TMEM165: variants seen among roughly 807,000 people sequenced by gnomAD.
The protein encoded by TMEM165 is putative divalent cation/proton antiporter TMEM165.
A neutral mutation model predicts 30.0 loss-of-function variants in TMEM165; 19 were observed. That is an observed-to-expected ratio of 0.63 (90% CI 0.44 to 0.93). The LOEUF is 0.93. TMEM165 is among the 40% of genes least tolerant of loss of function. TMEM165 has a pLI of 0.00. For synonymous variants in TMEM165, 168 were observed against 162.9 expected, an observed-to-expected ratio of 1.03 and a Z score of -0.24; for missense variants, 340 against 417.0, an observed-to-expected ratio of 0.82 and a Z score of 1.61.
At chr4:55,442,780 A>G in intron 3 of TMEM165, 1 of 752,620 alleles carries the variant, frequency 1.3e-6, no homozygotes, top group Admixed American at 2.1e-5. Flanking sequence ...TATAACCACA[A>G]AGGAATGACT....
At chr4:55,403,695 A>G (rs1010817932) in intron 1 of TMEM165, among the ~76,000 whole-genome samples, 1 of 152,216 alleles carries the variant, frequency 6.6e-6, no homozygotes, top group South Asian at 2.1e-4. Context: ...ATTACTTACC[A>G]TGATATATAA....
chr4:55,424,693 A>G, intron 5 of TMEM165, 50 bp downstream of exon 5: 1 of 1,205,236 alleles, frequency 8.3e-7, no homozygotes, highest in Non-Finnish European at 1.2e-6. Flanking sequence ...TCACTGAGAG[A>G]TTAAAGGGTG....
At chr4:55,432,716 T>C (rs1048452974) in intron 3 of TMEM165, 1 of 152,084 alleles carries the variant, frequency 6.6e-6, no homozygotes, top group African/African-American at 2.4e-5. Flanking sequence ...TACTACCTCT[T>C]CCACTACTAC....
At chr4:55,407,700 G>C (rs1721326526) in intron 1 of TMEM165, among the ~76,000 whole-genome samples, 1 of 152,158 alleles carries the variant, frequency 6.6e-6, no homozygotes, top group East Asian at 1.9e-4. Context: ...CTGTTGGATA[G>C]TTACCAGAAT....
intron 3 of TMEM165, chr4:55,443,934 G>GATTGAAAAGAAGAATGAGC: frequency 6.4e-7 from 1 of 1,572,452 alleles, no homozygotes; most frequent in South Asian, 1.1e-5. Context: ...GAGCTTTGTA[G>GATTGAAAAGAAGAATGAGC]ATTGAAAAGA....
intron 2 of TMEM165, among the ~76,000 whole-genome samples, chr4:55,412,417 AG>A (rs1469690911): frequency 8.7e-5 from 13 of 148,574 alleles, no homozygotes; most frequent in African/African-American, 3.2e-4. Flanking sequence ...AAAAAAAAAA[AG>A]GGAGACTGTT....
chr4:55,420,511 C>T (rs1232215837), intron 4 of TMEM165, among the ~76,000 whole-genome samples: 2 of 151,960 alleles, frequency 1.3e-5, no homozygotes, highest in Non-Finnish European at 2.9e-5. Flanking sequence ...CTTTGTGGAT[C>T]GGTTTGCAGA....
chr4:55,435,364 T>C (rs1722795813), intron 3 of TMEM165: 2 of 1,606,162 alleles, frequency 1.2e-6, no homozygotes, highest in Non-Finnish European at 1.7e-6. Flanking sequence ...TGAGTAACTC[T>C]TAATGGGCCA....
At chr4:55,410,507 G>A (rs1030989741) in intron 1 of TMEM165, among the ~76,000 whole-genome samples, 11 of 152,092 alleles carry the variant, frequency 7.2e-5, no homozygotes, top group Non-Finnish European at 2.9e-5. Flanking sequence ...CTCCCAGGTT[G>A]AAGCAATTCT....
At chr4:55,450,203 T>A (rs1724299686) in intron 3 of TMEM165, 1 of 1,614,026 alleles carries the variant, frequency 6.2e-7, no homozygotes, top group Non-Finnish European at 8.5e-7. Context: ...TGACTGTGTT[T>A]ATACGATTAT....
rs555276953 is a variant in TMEM165 at position 55,398,750 on chromosome 4, T to G, written c.207+2354T>G. 5.7e-4 allele frequency among the ~76,000 whole-genome samples: 87 copies of G among 152,286 alleles called. 1 individual carries two copies. In the South Asian group the frequency reaches 0.017, roughly 31 times the overall value. Reference sequence around the variant, plus strand: ...ACTCATCTGTCTATTCCAGAAGACCTTGTCTGTTCTTGGCATTTATTAACT... The same window carrying G: ...ACTCATCTGTCTATTCCAGAAGACCGTGTCTGTTCTTGGCATTTATTAACT... On this transcript the variant is annotated intron_variant, in intron 1 of 5. Coordinates refer to ENST00000381334, the MANE Select transcript of TMEM165 (RefSeq NM_018475.5).
intron 1 of TMEM165, among the ~76,000 whole-genome samples, chr4:55,410,568 C>A (rs1022126477): frequency 6.6e-6 from 1 of 152,152 alleles, no homozygotes; most frequent in African/African-American, 2.4e-5. Context: ...GCCACCATGC[C>A]ACTTTACCTT....
chr4:55,430,034 C>T (rs1722399285), downstream of TMEM165: 1 of 152,178 alleles, frequency 6.6e-6, no homozygotes, highest in African/African-American at 2.4e-5. Flanking sequence ...ACCGAAATCA[C>T]TTTGATGAGA....
At chr4:55,410,337 A>G (rs574412716) in intron 1 of TMEM165, among the ~76,000 whole-genome samples, 45 of 152,342 alleles carry the variant, frequency 3.0e-4, no homozygotes, top group Non-Finnish European at 5.3e-4. Flanking sequence ...CGAAGAGCTT[A>G]CTGCTTTTTT....
intron 3 of TMEM165, among the ~76,000 whole-genome samples, chr4:55,442,117 A>C (rs906908383): frequency 3.9e-5 from 6 of 152,190 alleles, no homozygotes; most frequent in African/African-American, 1.2e-4. Context: ...TCTAGCATCT[A>C]TATTGAAAAG....
At chr4:55,438,377 G>A (rs1334952097) in intron 3 of TMEM165, 2 of 1,613,888 alleles carry the variant, frequency 1.2e-6, no homozygotes, top group Non-Finnish European at 1.7e-6. Flanking sequence ...TGCTGCTGCT[G>A]CTGCGTTACT....
At chr4:55,445,579 ATTCTTT>A (rs1311917723) in intron 3 of TMEM165, among the ~76,000 whole-genome samples, 1 of 65,518 alleles carries the variant, frequency 1.5e-5, no homozygotes, top group Non-Finnish European at 3.0e-5. Flanking sequence ...CTATTTCTAT[ATTCTTT>A]TTTTTTTTTT....
At chr4:55,417,455 T>C (rs1362975002) in intron 3 of TMEM165, among the ~76,000 whole-genome samples, 2 of 152,238 alleles carry the variant, frequency 1.3e-5, no homozygotes, top group Non-Finnish European at 2.9e-5. Flanking sequence ...AGATGAATAC[T>C]GAACACAGGT....
At chr4:55,424,803 G>A in intron 5 of TMEM165, 160 bp downstream of exon 5, 8 of 573,148 alleles carry the variant, frequency 1.4e-5, no homozygotes, top group East Asian at 6.0e-5. Flanking sequence ...TTGCAAATAC[G>A]GACTTTTTTC....
Sources: gnomAD v4.1 joint callset for allele counts (sites outside exome capture counted in the v4.1 genomes callset) on GRCh38, gnomAD v4.1.1 for gene constraint, MANE v1.5 for transcripts, NCBI Gene and HGNC (gene_info 2026-07-23, HGNC 2026-07-21) for gene names.